The following LRRC57 variants were observed in gnomAD, a reference collection of about 807,000 sequenced individuals.
The protein encoded by LRRC57 is leucine rich repeat containing 57, also known as leucine-rich repeat-containing protein 57.
In LRRC57, 14 loss-of-function variants were observed where a neutral mutation model predicts 23.1. That is an observed-to-expected ratio of 0.61 (90% CI 0.40 to 0.95). The LOEUF (loss-of-function observed/expected upper bound fraction) is 0.95. Among genes scored for constraint, LRRC57 ranks in the 40% least tolerant of loss-of-function variants. The pLI, the probability that LRRC57 is intolerant of heterozygous loss-of-function variation, is 0.00. For missense variants in LRRC57, 236 were observed against 284.4 expected (o/e 0.83, Z 1.22); for synonymous variants, 106 against 115.2 (o/e 0.92, Z 0.51).
At position 42,541,989 on chromosome 15, in the gene LRRC57, G is replaced by A. The variant is rs2057632329; in HGVS notation, c.*2094C>T. ...TTAGCCAGGATGGTCTCGATCTCTTGACCTCGTGATCTGCCCGCCTCGGCC... is the reference window on the plus strand; with the variant it reads ...TTAGCCAGGATGGTCTCGATCTCTTAACCTCGTGATCTGCCCGCCTCGGCC... On this transcript the variant is annotated 3_prime_UTR_variant, in exon 6 of 6. Coordinates refer to ENST00000397130, the MANE Select transcript of LRRC57 (RefSeq NM_153260.3). 6.6e-6 allele frequency: 1 copy of A among 151,376 alleles called. No homozygotes were observed. The highest frequency in any genetic ancestry group is 2.1e-4 in the South Asian group (1 of 4,818). The allele number at this position is 151,376 out of a possible 1,614,324, so 9.4% of individuals were successfully genotyped here.
chr15:42,548,508 CGGCTGGGGCTCCT>C, intron 1 of LRRC57, 52 bp from the exon 2 acceptor site: 1 of 1,469,676 alleles, frequency 6.8e-7, no homozygotes, highest in Admixed American at 2.0e-5. Context: ...GTCGGCCTCC[CGGCTGGGGCTCCT>C]GCCCCAGCTC....
chr15:42,544,842 C>CACAATATATATA, intron 5 of LRRC57, among the ~76,000 whole-genome samples: 5 of 98,030 alleles, frequency 5.1e-5, no homozygotes, highest in African/African-American at 2.0e-4. Context: ...CACACACACA[C>CACAATATATATA]TATATATATA....
At chr15:42,530,567 G>C in the LRRC57 span, among the ~76,000 whole-genome samples, 1 of 152,094 alleles carries the variant, frequency 6.6e-6, no homozygotes, top group Non-Finnish European at 1.5e-5. Context: ...TGAGACCAGA[G>C]CAAGACCTCG....
In LRRC57 at chr15:42,543,641, G is replaced by C. The variant is rs2057642313; in HGVS notation, c.*442C>G. 6.4e-6 allele frequency: 1 copy of C among 156,434 alleles called. No homozygotes were observed. Among genetic ancestry groups the C allele is most frequent in the Admixed American group, 6.5e-5 (1 of 15,444 alleles). The allele number at this position is 156,434 out of a possible 1,614,324, so 9.7% of individuals were successfully genotyped here. ...CATGCCAGCCTCTCACAAATTATCT[G>C]AATTTCATAAAAATATGAAGTGTTA... is the stretch of plus-strand genomic sequence containing the variant. On this transcript the variant is annotated 3_prime_UTR_variant, in exon 6 of 6. Transcript: ENST00000397130.
At chr15:42,546,746 C>T (rs933153612) in intron 4 of LRRC57, among the ~76,000 whole-genome samples, 2 of 152,136 alleles carry the variant, frequency 1.3e-5, no homozygotes, top group South Asian at 2.1e-4. Flanking sequence ...TAAAGCTGTA[C>T]AACAGTGAAA....
rs758222106 is a variant in LRRC57 at position 42,548,214 on chromosome 15, T to C, written c.115A>G (p.Asn39Asp). ...TTGGACAAGTCGATGGTCCTGAGAT[T>C]GCTCGTCAGCTTCTGCAAGTCTGCG... ...FPADLQKLTSNLRTIDLSNNK... is the reference protein window; with the variant it reads ...FPADLQKLTSDLRTIDLSNNK... The change falls in exon 3 of 6, where the codon AAT (asparagine) becomes GAT (aspartate). Residue 39 changes from asparagine (N) to aspartate (D), a missense_variant. By Grantham distance (23) the Asn-to-Asp change is conservative (BLOSUM62 1). Coordinates refer to ENST00000397130, the MANE Select transcript of LRRC57 (RefSeq NM_153260.3). 36 of 1,614,118 alleles carry C rather than the reference T, an allele frequency of 2.2e-5. No homozygotes were observed. The highest frequency in any genetic ancestry group is 3.0e-5 in the Non-Finnish European group (35 of 1,180,052).
the LRRC57 span, chr15:42,531,447 A>G: frequency 1.8e-5 from 29 of 1,598,702 alleles, no homozygotes; most frequent in African/African-American, 5.4e-5. Context: ...GATATTGCCA[A>G]TGCCAGAGCA....
chr15:42,541,051 A>T lies in LRRC57; in HGVS notation c.*3032T>A, dbSNP rs557340740. On this transcript the variant is annotated 3_prime_UTR_variant, in exon 6 of 6. Transcript: ENST00000397130. The stretch of plus-strand genomic sequence containing the variant: ...CGTCTCAGAAAAAAAAAAAAAATGT[A>T]TAAGTTCTGATTTATTAGATGAGAA... 1.3e-5 allele frequency: 2 copies of T among 152,162 alleles called. No individual in the cohort carries two copies. The highest frequency in any genetic ancestry group is 2.1e-4 in the South Asian group (1 of 4,816). 9.4% of individuals were successfully genotyped at this position (152,162 alleles called of 1,614,324 possible). A position where few individuals can be genotyped will look rare whatever the true frequency, so the allele number is the denominator to read the frequency against.
chr15:42,536,273 G>C (rs2057600291), downstream of LRRC57, among the ~76,000 whole-genome samples: 1 of 152,216 alleles, frequency 6.6e-6, no homozygotes, highest in African/African-American at 2.4e-5. Context: ...TCGATGTAGG[G>C]TTGCTACAAA....
chr15:42,533,178 C>T (rs1167240382), downstream of LRRC57: 2 of 152,208 alleles, frequency 1.3e-5, no homozygotes. Context: ...TCAAGAAACA[C>T]TACAGCAGGA....
In LRRC57 at chr15:42,548,354, G is replaced by T; in HGVS notation, c.81C>A (p.Thr27=). The T allele has an allele frequency of 6.2e-7, 1 of 1,614,190 alleles. No individual in the cohort carries two copies. Among genetic ancestry groups the T allele is most frequent in the Non-Finnish European group, 8.5e-7 (1 of 1,180,016 alleles). The stretch of plus-strand genomic sequence containing the variant: ...GTCGTGTCCCTCCCAGTCTCACCTC[G>T]GTCAGCCCTCGGTCCTTAAGCTGAA... ...GVFQLKDRGL[T]EFPADLQKLT... Residue 27 remains threonine, a synonymous_variant, in exon 2 of 6, where the codon ACC becomes ACA. Coordinates refer to ENST00000397130, the MANE Select transcript of LRRC57 (RefSeq NM_153260.3).
At position 42,541,009 on chromosome 15, in the gene LRRC57, G is replaced by C. The variant is rs1327801459; in HGVS notation, c.*3074C>G. The C allele has an allele frequency of 1.3e-5, 2 of 150,962 alleles. No individual in the cohort carries two copies. Among genetic ancestry groups the C allele is most frequent in the Admixed American group, 6.6e-5 (1 of 15,144 alleles). The allele number at this position is 150,962 out of a possible 1,614,324, so 9.4% of individuals were successfully genotyped here. Reference sequence around the variant, plus strand: ...ATCGCACCACTGCACTCCAGCCTGGGTGAAAGAATGAGACTCCGTCTCAGA... The same window carrying C: ...ATCGCACCACTGCACTCCAGCCTGGCTGAAAGAATGAGACTCCGTCTCAGA... On this transcript the variant is annotated 3_prime_UTR_variant, in exon 6 of 6. Coordinates refer to ENST00000397130, the MANE Select transcript of LRRC57 (RefSeq NM_153260.3).
the LRRC57 span, chr15:42,531,807 G>A: frequency 1.6e-5 from 3 of 190,614 alleles, no homozygotes; most frequent in African/African-American, 4.7e-5. Context: ...CAGCCATGAA[G>A]AAGGAAGCTG....
At chr15:42,532,539 C>T in the LRRC57 span, 10 of 152,542 alleles carry the variant, frequency 6.6e-5, no homozygotes, top group Non-Finnish European at 1.0e-4. Context: ...GGTTCCATTA[C>T]AGGCCTATTA....
At position 42,548,279 on chromosome 15, in the gene LRRC57, C is replaced by G. The variant is rs536169490; in HGVS notation, c.85-35G>C. ...GGAGTTCACAGCGTGGGGAATCCCG[C>G]ACCGACTAAGTTCGCCGCCCCCGCC... On this transcript the variant is annotated intron_variant, in intron 2 of 5. Coordinates refer to ENST00000397130, the MANE Select transcript of LRRC57 (RefSeq NM_153260.3). 4.3e-6 allele frequency: 7 copies of G among 1,613,988 alleles called. No homozygotes were observed. The South Asian group carries it at 7.7e-5, about 18-fold the overall frequency.
downstream of LRRC57, among the ~76,000 whole-genome samples, chr15:42,537,231 T>TCACACACACACACA (rs777117722): frequency 4.9e-4 from 65 of 132,156 alleles, no homozygotes; most frequent in African/African-American, 8.6e-4. Flanking sequence ...TCTCTCTCTC[T>TCACACACACACACA]CTCACACACA....
chr15:42,537,233 TCACACACACACA>T (rs71108166), downstream of LRRC57, among the ~76,000 whole-genome samples: 1 of 136,504 alleles, frequency 7.3e-6, no homozygotes, highest in Non-Finnish European at 1.5e-5. Context: ...TCTCTCTCTC[TCACACACACACA>T]CACACACACA....
rs1360942020 is a variant in LRRC57, at chr15:42,541,175, A to G, written c.*2908T>C. Reference sequence around the variant, plus strand: ...ACAAAACTCCTAAACTGGTATGGATAAACTAGTACCCCTTTCAAAGTGAGA... The same window carrying G: ...ACAAAACTCCTAAACTGGTATGGATGAACTAGTACCCCTTTCAAAGTGAGA... On this transcript the variant is annotated 3_prime_UTR_variant, in exon 6 of 6. Coordinates refer to ENST00000397130, the MANE Select transcript of LRRC57 (RefSeq NM_153260.3). 3 of 152,206 alleles carry G rather than the reference A, an allele frequency of 2.0e-5. No homozygotes were observed. Among genetic ancestry groups the G allele is most frequent in the African/African-American group, 7.2e-5 (3 of 41,456 alleles). The allele number at this position is 152,206 out of a possible 1,614,324, so 9.4% of individuals were successfully genotyped here. A position where few individuals can be genotyped will look rare whatever the true frequency, so the allele number is the denominator to read the frequency against.
At chr15:42,534,127 G>GTTTGT (rs899561230), downstream of LRRC57, among the ~76,000 whole-genome samples, 1 of 151,994 alleles carries the variant, frequency 6.6e-6, no homozygotes, top group Non-Finnish European at 1.5e-5. Flanking sequence ...TCTCTTTTTT[G>GTTTGT]TTTGTTTTGT....
Sources: gnomAD v4.1 joint callset for allele counts (sites outside exome capture counted in the v4.1 genomes callset) on GRCh38, gnomAD v4.1.1 for gene constraint, MANE v1.5 for transcripts, NCBI Gene and HGNC (gene_info 2026-07-23, HGNC 2026-07-21) for gene names.